EFR3A: variants seen among roughly 807,000 people sequenced by gnomAD.
The protein encoded by EFR3A is EFR3 homolog A, also known as protein EFR3 homolog A.
Under a neutral mutation model 104.4 loss-of-function variants are expected in EFR3A, and 76 were observed. That is an observed-to-expected ratio of 0.73 (90% CI 0.60 to 0.88). The LOEUF is 0.88. Ranked by LOEUF, EFR3A falls within the 40% of genes least tolerant of loss-of-function variation. EFR3A has a pLI of 0.00. For synonymous variants in EFR3A, 330 were observed against 330.0 expected, an observed-to-expected ratio of 1.00 and a Z score of 0.00; for missense variants, 985 against 1,012.5, an observed-to-expected ratio of 0.97 and a Z score of 0.37.
chr8:131,958,588 CTT>C (rs34809711), intron 7 of EFR3A, among the ~76,000 whole-genome samples: 2,233 of 147,184 alleles, frequency 0.015, 49 homozygotes, highest in African/African-American at 0.05. Context: ...GATTTCAGGT[CTT>C]TTTTTTTTTT....
chr8:131,944,808 C>G lies in EFR3A; in HGVS notation c.151C>G (p.Leu51Val). ...TFYAVSAPEKLDRIGSYLAER... is the reference protein window; with the variant it reads ...TFYAVSAPEKVDRIGSYLAER... Reference sequence around the variant, plus strand: ...TTATGCAGTATCTGCTCCAGAGAAACTGGATCGAATTGGTTCTTACCTGGC... The same window carrying G: ...TTATGCAGTATCTGCTCCAGAGAAAGTGGATCGAATTGGTTCTTACCTGGC... The change falls in exon 3 of 23, where the codon CTG (leucine) becomes GTG (valine). Residue 51 changes from leucine (L) to valine (V), a missense_variant. Transcript: ENST00000254624. The G allele has an allele frequency of 6.2e-7, 1 of 1,609,772 alleles. No homozygotes were observed. Among genetic ancestry groups the G allele is most frequent in the South Asian group, 1.1e-5 (1 of 90,428 alleles).
At chr8:132,007,652 G>T (rs548412962) in intron 22 of EFR3A, among the ~76,000 whole-genome samples, 53 of 151,984 alleles carry the variant, frequency 3.5e-4, no homozygotes, top group African/African-American at 1.3e-3. Context: ...AGGACCTGGA[G>T]TAGCTAAACA....
intron 2 of EFR3A, 118 bp from the exon 3 acceptor site, chr8:131,944,627 T>G: frequency 9.8e-7 from 1 of 1,020,118 alleles, no homozygotes; most frequent in South Asian, 1.8e-5. Flanking sequence ...GCAGAAGGGT[T>G]CTACATAAAT....
chr8:131,940,502 T>C lies in EFR3A; in HGVS notation c.14T>C (p.Val5Ala), dbSNP rs1254973939. The change falls in exon 2 of 23, where the codon GTA becomes GCA. Residue 5 changes from valine (V) to alanine (A), a missense_variant. By Grantham distance (64) the Val-to-Ala change is moderately conservative. Transcript: ENST00000254624. The part of the protein sequence containing the change: MPTR[V>A]CCCCSALRPR... ...TTGATTTTTTTTTTTTTAACAGGAGTATGCTGCTGCTGTTCCGCTTTGCGT... is the reference window on the plus strand; with the variant it reads ...TTGATTTTTTTTTTTTTAACAGGAGCATGCTGCTGCTGTTCCGCTTTGCGT... 1.3e-6 allele frequency: 2 copies of C among 1,594,642 alleles called. No homozygotes were observed. Among genetic ancestry groups the C allele is most frequent in the South Asian group, 1.1e-5 (1 of 88,244 alleles).
chr8:131,977,548 A>G (rs139963471), intron 12 of EFR3A, among the ~76,000 whole-genome samples: 34 of 152,324 alleles, frequency 2.2e-4, no homozygotes, highest in Middle Eastern at 3.4e-3. Context: ...TGAAGTGGCT[A>G]TAAGTAGCTG....
At chr8:131,929,533 A>G (rs943600816) in intron 1 of EFR3A, among the ~76,000 whole-genome samples, 2 of 152,134 alleles carry the variant, frequency 1.3e-5, no homozygotes, top group African/African-American at 4.8e-5. Context: ...TCTCATAGCA[A>G]CCTGTGATAG....
intron 2 of EFR3A, among the ~76,000 whole-genome samples, chr8:131,941,984 A>G (rs7844869): frequency 0.43 from 64,720 of 151,912 alleles, 14,122 homozygotes; most frequent in Middle Eastern, 0.56. Context: ...GATGTTATCA[A>G]TTAGTAGACT....
intron 18 of EFR3A, among the ~76,000 whole-genome samples, chr8:131,993,381 C>T (rs1279709925): frequency 6.6e-6 from 1 of 152,240 alleles, no homozygotes; most frequent in African/African-American, 2.4e-5. Flanking sequence ...CAGAACCCCT[C>T]CTAACCACAG....
chr8:131,963,216 A>C (rs1819496320), intron 8 of EFR3A, among the ~76,000 whole-genome samples: 1 of 152,224 alleles, frequency 6.6e-6, no homozygotes, highest in African/African-American at 2.4e-5. Flanking sequence ...GAAATAACTA[A>C]GATCAGAGCA....
intron 1 of EFR3A, among the ~76,000 whole-genome samples, chr8:131,913,657 C>T (rs963739518): frequency 6.6e-6 from 1 of 152,110 alleles, no homozygotes; most frequent in Non-Finnish European, 1.5e-5. Flanking sequence ...ATTTCTGCTG[C>T]AGTAGTTTTC....
chr8:131,905,021 C>T (rs1816176170), intron 1 of EFR3A, among the ~76,000 whole-genome samples: 9 of 152,128 alleles, frequency 5.9e-5, no homozygotes. Context: ...AAAAGTCACT[C>T]GGTGTTGGAG....
chr8:131,981,258 TTC>T (rs1820598524), intron 14 of EFR3A, among the ~76,000 whole-genome samples: 1 of 152,066 alleles, frequency 6.6e-6, no homozygotes, highest in Non-Finnish European at 1.5e-5. Context: ...GAAATAATAC[TTC>T]TGTTTATTTT....
At chr8:131,982,132 A>G (rs1820647717) in intron 14 of EFR3A, among the ~76,000 whole-genome samples, 2 of 152,070 alleles carry the variant, frequency 1.3e-5, no homozygotes, top group Admixed American at 1.3e-4. Context: ...ACAGGTAATC[A>G]CTATCATTGC....
At chr8:132,007,370 G>C (rs949085101) in intron 22 of EFR3A, among the ~76,000 whole-genome samples, 52 of 151,724 alleles carry the variant, frequency 3.4e-4, no homozygotes, top group African/African-American at 1.2e-3. Context: ...ACAAACAATT[G>C]CAAGAGTAAA....
intron 8 of EFR3A, among the ~76,000 whole-genome samples, chr8:131,966,952 A>T (rs985721904): frequency 6.6e-6 from 1 of 152,160 alleles, no homozygotes; most frequent in Non-Finnish European, 1.5e-5. Flanking sequence ...AGTAGAAAGA[A>T]CACATGCTCT....
At chr8:131,916,124 A>G (rs184648410) in intron 1 of EFR3A, among the ~76,000 whole-genome samples, 12 of 152,320 alleles carry the variant, frequency 7.9e-5, no homozygotes, top group African/African-American at 1.7e-4. Context: ...CACACATTCA[A>G]TGTATGTTTA....
intron 7 of EFR3A, among the ~76,000 whole-genome samples, chr8:131,956,817 T>A (rs920213330): frequency 1.3e-5 from 2 of 152,184 alleles, no homozygotes; most frequent in Admixed American, 6.5e-5. Flanking sequence ...ATCTATTGTT[T>A]AAAGGCTCCC....
chr8:131,975,698 G>A (rs1224781849), intron 10 of EFR3A, among the ~76,000 whole-genome samples: 1 of 152,060 alleles, frequency 6.6e-6, no homozygotes, highest in East Asian at 1.9e-4. Flanking sequence ...TTATGGGCAT[G>A]AGCCACTACA....
chr8:131,973,373 T>C (rs993615779), intron 10 of EFR3A, among the ~76,000 whole-genome samples: 2 of 152,144 alleles, frequency 1.3e-5, no homozygotes, highest in African/African-American at 4.8e-5. Context: ...TTGATTTACA[T>C]TGCTTTAATG....
Sources: allele counts gnomAD v4.1 joint callset (sites outside exome capture counted in the v4.1 genomes callset), GRCh38; gene constraint gnomAD v4.1.1; transcripts MANE v1.5; gene names NCBI Gene and HGNC (gene_info 2026-07-23, HGNC 2026-07-21).